ANK3: variants seen among roughly 807,000 people sequenced by gnomAD.
ANK3 encodes ankyrin-3.
A neutral mutation model predicts 370.9 loss-of-function variants in ANK3; 57 were observed. The observed-to-expected ratio is 0.15, with a 90% CI of 0.12 to 0.19. The LOEUF (loss-of-function observed/expected upper bound fraction) is 0.19. Among genes scored for constraint, ANK3 ranks in the 10% least tolerant of loss-of-function variants. The probability of loss-of-function intolerance (pLI) is 1.00; values close to 1 mark genes in which losing one functional copy is unlikely to be tolerated. For missense variants in ANK3, 4,439 were observed against 5,302.1 expected, an observed-to-expected ratio of 0.84 and a Z score of 5.06; for synonymous variants, 1,929 against 1,946.3, an observed-to-expected ratio of 0.99 and a Z score of 0.23.
At chr10:60,219,831 C>A (rs760728330) in intron 8 of ANK3, among the ~76,000 whole-genome samples, 2 of 152,136 alleles carry the variant, frequency 1.3e-5, no homozygotes, top group African/African-American at 2.4e-5. Flanking sequence ...GTATAAGCAA[C>A]AAGATACAAC....
intron 1 of ANK3, among the ~76,000 whole-genome samples, chr10:60,313,295 AAT>A (rs1470578709): frequency 6.6e-6 from 1 of 152,250 alleles, no homozygotes; most frequent in East Asian, 1.9e-4. Flanking sequence ...ACTTCTGAGT[AAT>A]ATATGAGTCA....
intron 2 of ANK3, among the ~76,000 whole-genome samples, chr10:60,437,419 AG>A (rs1452675952): frequency 6.6e-6 from 1 of 152,262 alleles, no homozygotes; most frequent in Non-Finnish European, 1.5e-5. Context: ...ACTCAGCAGT[AG>A]GGCTGTCATG....
At chr10:60,609,537 CT>C (rs34817175) in intron 2 of ANK3, among the ~76,000 whole-genome samples, 104,050 of 149,584 alleles carry the variant, frequency 0.7, 36,271 homozygotes, top group South Asian at 0.88. Context: ...TTCTTTTTTC[CT>C]TTTTTTTTTT....
At chr10:60,201,713 T>C (rs2096678047) in intron 12 of ANK3, among the ~76,000 whole-genome samples, 1 of 149,480 alleles carries the variant, frequency 6.7e-6, no homozygotes, top group Non-Finnish European at 1.5e-5. Flanking sequence ...CACTTCTTTT[T>C]TTTTTTTTTT....
intron 1 of ANK3, chr10:60,685,141 A>T: frequency 1.3e-6 from 1 of 748,056 alleles, no homozygotes; most frequent in Non-Finnish European, 2.1e-6. Context: ...GACAAATGGA[A>T]AAGTGTCTAC....
At chr10:60,394,984 A>T (rs1207504732) in intron 2 of ANK3, among the ~76,000 whole-genome samples, 4 of 152,234 alleles carry the variant, frequency 2.6e-5, no homozygotes, top group Admixed American at 6.5e-5. Flanking sequence ...GCCACTAGCC[A>T]TATGTGGCTA....
chr10:60,167,212 T>C (rs2095646861), intron 21 of ANK3, among the ~76,000 whole-genome samples: 1 of 152,200 alleles, frequency 6.6e-6, no homozygotes, highest in South Asian at 2.1e-4. Flanking sequence ...TACTTTTTCA[T>C]GGTCTGATGA....
At chr10:60,517,358 C>A (rs1297422704) in intron 2 of ANK3, among the ~76,000 whole-genome samples, 1 of 151,996 alleles carries the variant, frequency 6.6e-6, no homozygotes, top group Non-Finnish European at 1.5e-5. Context: ...CCACTGTGCC[C>A]AGCCGATTCT....
At chr10:60,573,092 G>T (rs753475767) in intron 2 of ANK3, 2 of 727,888 alleles carry the variant, frequency 2.7e-6, no homozygotes, top group Non-Finnish European at 3.4e-6. Flanking sequence ...GCATACCGGA[G>T]GAGGCAGTCG....
intron 42 of ANK3, chr10:60,043,180 T>C (rs1351747563): frequency 4.0e-6 from 4 of 988,330 alleles, no homozygotes; most frequent in African/African-American, 1.7e-5. Flanking sequence ...TTTAAGTTAG[T>C]GGAATTGCCA....
At chr10:60,141,069 G>A (rs1487590029) in intron 23 of ANK3, 1 of 972,382 alleles carries the variant, frequency 1.0e-6, no homozygotes, top group Admixed American at 6.2e-5. Flanking sequence ...GGAAGGAGGG[G>A]AAAAAGAGAG....
At chr10:60,168,803 T>C (rs933072663) in intron 21 of ANK3, among the ~76,000 whole-genome samples, 2 of 152,202 alleles carry the variant, frequency 1.3e-5, no homozygotes, top group Admixed American at 1.3e-4. Flanking sequence ...TGTTTGGTTT[T>C]CTGTTCCTCC....
At chr10:60,559,058 T>C (rs1398272217) in intron 2 of ANK3, among the ~76,000 whole-genome samples, 4 of 152,216 alleles carry the variant, frequency 2.6e-5, no homozygotes, top group Non-Finnish European at 5.9e-5. Flanking sequence ...AAATCTATTC[T>C]TATGCTAGCA....
chr10:60,597,581 C>A (rs965116694), intron 2 of ANK3, among the ~76,000 whole-genome samples: 1 of 152,122 alleles, frequency 6.6e-6, no homozygotes, highest in South Asian at 2.1e-4. Context: ...TTCACCTCCC[C>A]CAAGGCTTCT....
chr10:60,515,278 G>A (rs561911238), intron 2 of ANK3, among the ~76,000 whole-genome samples: 1 of 152,206 alleles, frequency 6.6e-6, no homozygotes, highest in African/African-American at 2.4e-5. Flanking sequence ...AATGAACTGA[G>A]ACTGCAGGAA....
intron 23 of ANK3, among the ~76,000 whole-genome samples, chr10:60,142,224 T>G (rs1274262671): frequency 6.6e-6 from 1 of 152,192 alleles, no homozygotes; most frequent in South Asian, 2.1e-4. Flanking sequence ...TAGAAGTCCT[T>G]AAACTCTTTA....
chr10:60,334,782 T>A (rs773016034), intron 1 of ANK3, among the ~76,000 whole-genome samples: 4 of 152,208 alleles, frequency 2.6e-5, no homozygotes, highest in Non-Finnish European at 4.4e-5. Context: ...TAACTTAGCA[T>A]CTTATGGGCA....
intron 7 of ANK3, among the ~76,000 whole-genome samples, chr10:60,236,447 C>T (rs1286967710): frequency 6.6e-6 from 1 of 152,154 alleles, no homozygotes; most frequent in East Asian, 1.9e-4. Context: ...CTCCACAGCT[C>T]CTCTATCCCA....
intron 16 of ANK3, among the ~76,000 whole-genome samples, chr10:60,195,839 A>G (rs1403540145): frequency 6.6e-6 from 1 of 152,218 alleles, no homozygotes; most frequent in Non-Finnish European, 1.5e-5. Flanking sequence ...ACAAATCAGA[A>G]CTTTCTTACT....
Sources: allele counts gnomAD v4.1 joint callset (sites outside exome capture counted in the v4.1 genomes callset), GRCh38; gene constraint gnomAD v4.1.1; transcripts MANE v1.5; gene names NCBI Gene and HGNC (gene_info 2026-07-23, HGNC 2026-07-21).